TCF7L2: variants seen among roughly 807,000 people sequenced by gnomAD.
TCF7L2 encodes the protein transcription factor 7-like 2.
In TCF7L2, 23 loss-of-function variants were observed where a neutral mutation model predicts 77.9. The observed-to-expected ratio is 0.30, with a 90% CI of 0.21 to 0.42. The LOEUF is 0.42. Among genes scored for constraint, TCF7L2 ranks in the 10% least tolerant of loss-of-function variants. The probability of loss-of-function intolerance (pLI) is 1.00; values close to 1 mark genes in which losing one functional copy is unlikely to be tolerated. For missense variants in TCF7L2, 654 were observed against 793.1 expected (o/e 0.82, Z 2.11); for synonymous variants, 413 against 340.2 (o/e 1.21, Z -2.36).
At chr10:113,026,855 T>C (rs1344867392) in intron 4 of TCF7L2, among the ~76,000 whole-genome samples, 2 of 152,184 alleles carry the variant, frequency 1.3e-5, no homozygotes, top group Non-Finnish European at 2.9e-5. Context: ...GCGCAGACCT[T>C]TTGGGGAGGG....
At position 113,150,992 on chromosome 10, in the gene TCF7L2, T is replaced by G. The variant is rs1306631237; in HGVS notation, c.876-6T>G. ...CTGACGATTTACACAGCTTTCTGTC[T>G]TCTAGGTTCCCTCCCCATATGGTCC... On this transcript the variant is annotated splice_region_variant and splice_polypyrimidine_tract_variant and intron_variant, in intron 8 of 13. Transcript: ENST00000627217. 6.2e-7 allele frequency: 1 copy of G among 1,614,072 alleles called. No homozygotes were observed. The highest frequency in any genetic ancestry group is 1.1e-5 in the South Asian group (1 of 91,066).
intron 11 of TCF7L2, 116 bp downstream of exon 11, chr10:113,152,556 T>C (rs762732899): frequency 2.5e-6 from 2 of 788,446 alleles, no homozygotes; most frequent in Non-Finnish European, 4.1e-6. Flanking sequence ...CCATCCAATC[T>C]GCCCGCTTTG....
At chr10:113,146,131 C>G (rs2069342563) in intron 8 of TCF7L2, 34 bp downstream of exon 8, 1 of 1,599,396 alleles carries the variant, frequency 6.3e-7, no homozygotes, top group Non-Finnish European at 8.6e-7. Flanking sequence ...TCATCCAAGG[C>G]CATGTGTGAC....
Position 112,966,184 on chromosome 10 carries a change from T to TTATATATATATATATA in TCF7L2, c.450+1572_450+1587dup, listed in dbSNP as rs141060651. Reference sequence around the variant, plus strand: ...GAGTGAGACTCTGTCTAAAATATATTTATATATATATATATATATATATAT... The same window carrying TTATATATATATATATA: ...GAGTGAGACTCTGTCTAAAATATATTTATATATATATATATATATATATATATATATATATATATAT... On this transcript the variant is annotated intron_variant, in intron 4 of 13. Transcript: ENST00000627217. 1.5e-3 allele frequency among the ~76,000 whole-genome samples: 167 copies of TTATATATATATATATA among 114,170 alleles called. 5 individuals are homozygous for TTATATATATATATATA. The highest frequency in any genetic ancestry group is 6.3e-3 in the African/African-American group (131 of 20,960). The allele number at this position is 114,170 out of a possible 152,430, so 74.9% of individuals were successfully genotyped here.
intron 5 of TCF7L2, among the ~76,000 whole-genome samples, chr10:113,124,615 A>G (rs1234079222): frequency 3.3e-5 from 5 of 152,126 alleles, no homozygotes; most frequent in African/African-American, 4.8e-5. Context: ...ACTCTGCAGG[A>G]CATAGATATA....
At chr10:113,137,400 C>A (rs1236592465) in intron 5 of TCF7L2, among the ~76,000 whole-genome samples, 1 of 152,228 alleles carries the variant, frequency 6.6e-6, no homozygotes, top group Non-Finnish European at 1.5e-5. Context: ...CGTGCAAGTT[C>A]TCATTCAGTT....
At chr10:112,963,839 C>G (rs2035887777) in intron 3 of TCF7L2, among the ~76,000 whole-genome samples, 1 of 152,204 alleles carries the variant, frequency 6.6e-6, no homozygotes, top group Non-Finnish European at 1.5e-5. Context: ...CAATCAGTGA[C>G]TTACATTCAC....
At chr10:113,147,432 T>C (rs1034703446) in intron 8 of TCF7L2, among the ~76,000 whole-genome samples, 2 of 152,228 alleles carry the variant, frequency 1.3e-5, no homozygotes, top group Non-Finnish European at 2.9e-5. Flanking sequence ...ATGCCGTGGA[T>C]ATCATAGTTG....
intron 5 of TCF7L2, among the ~76,000 whole-genome samples, chr10:113,128,925 GC>G (rs1318012155): frequency 2.0e-5 from 3 of 152,104 alleles, no homozygotes; most frequent in Admixed American, 1.3e-4. Context: ...GCATCCCTCT[GC>G]CGTTTCCCTT....
At position 112,951,473 on chromosome 10, in the gene TCF7L2, G is replaced by T. The variant is rs2031271282; in HGVS notation, c.257-10G>T. 1 of 1,417,294 alleles carries T rather than the reference G, an allele frequency of 7.1e-7. No homozygotes were observed. The highest frequency in any genetic ancestry group is 1.2e-5 in the South Asian group (1 of 83,434). The allele number at this position is 1,417,294 out of a possible 1,614,324, so 87.8% of individuals were successfully genotyped here. A position where few individuals can be genotyped will look rare whatever the true frequency, so the allele number is the denominator to read the frequency against. ...GCCGCCGCTGTCCCCTCGCCGCCCC[G>T]CCATGTTAGCGGCCAAGAGGCAAGA... On this transcript the variant is annotated splice_polypyrimidine_tract_variant and intron_variant, in intron 2 of 13. Transcript: ENST00000627217.
At chr10:113,160,789 T>G (rs1466305077) in intron 13 of TCF7L2, 3 of 1,157,310 alleles carry the variant, frequency 2.6e-6, no homozygotes, top group Non-Finnish European at 3.7e-6. Flanking sequence ...CCCATCTACT[T>G]CCCCTCTGGC....
rs556491064 is a variant in TCF7L2, at chr10:112,977,986, G to A, written c.450+13362G>A. Among the ~76,000 whole-genome samples the A allele has an allele frequency of 3.9e-5, 6 of 152,262 alleles. No individual in the cohort carries two copies. The East Asian group carries it at 9.7e-4, about 24-fold the overall frequency. The stretch of plus-strand genomic sequence containing the variant: ...GCCCAAAACATAAAGGAAATTTGAG[G>A]TTCCCTTTCTCTATTTCTAAACCCT... On this transcript the variant is annotated intron_variant, in intron 4 of 13. Coordinates refer to ENST00000627217, the MANE Select transcript of TCF7L2 (RefSeq NM_001146274.2).
At chr10:113,086,154 T>G (rs936587620) in intron 5 of TCF7L2, among the ~76,000 whole-genome samples, 1 of 152,208 alleles carries the variant, frequency 6.6e-6, no homozygotes, top group Admixed American at 6.5e-5. Context: ...TCATTTACTT[T>G]TATCCTGTAA....
At chr10:113,150,907 T>G in intron 8 of TCF7L2, 91 bp from the exon 9 acceptor site, 3 of 1,356,026 alleles carry the variant, frequency 2.2e-6, no homozygotes, top group Non-Finnish European at 3.1e-6. Context: ...TGTTACGTGC[T>G]GTTTTTTTTT....
At chr10:113,129,380 G>A in intron 5 of TCF7L2, 1 of 992,078 alleles carries the variant, frequency 1.0e-6, no homozygotes, top group Non-Finnish European at 1.2e-6. Flanking sequence ...AAGGTAACGG[G>A]TGAGGGAGGG....
intron 12 of TCF7L2, among the ~76,000 whole-genome samples, chr10:113,158,308 A>G (rs2072389888): frequency 6.6e-6 from 1 of 152,216 alleles, no homozygotes; most frequent in Admixed American, 6.5e-5. Context: ...AATGTGTTTT[A>G]AAATAACTGC....
intron 5 of TCF7L2, among the ~76,000 whole-genome samples, chr10:113,086,722 AGTTTTTTATTTGTTT>A (rs1264834837): frequency 6.6e-6 from 1 of 151,414 alleles, no homozygotes; most frequent in Non-Finnish European, 1.5e-5. Context: ...TTTGTTGAAG[AGTTTTTTATTTGTTT>A]GTTTTTTAAG....
intron 6 of TCF7L2, 125 bp downstream of exon 6, chr10:113,141,441 G>T (rs56295420): frequency 2.9e-6 from 4 of 1,372,116 alleles, no homozygotes; most frequent in South Asian, 1.4e-5. Context: ...GTGGTGGGGG[G>T]GCCCCTGTTG....
intron 5 of TCF7L2, among the ~76,000 whole-genome samples, chr10:113,069,560 G>T (rs995012516): frequency 1.3e-5 from 2 of 152,060 alleles, no homozygotes; most frequent in African/African-American, 2.4e-5. Flanking sequence ...GTTTATTTCT[G>T]CTTGCCTAAC....
Sources: allele counts gnomAD v4.1 joint callset (sites outside exome capture counted in the v4.1 genomes callset), GRCh38; gene constraint gnomAD v4.1.1; transcripts MANE v1.5; gene names NCBI Gene and HGNC (gene_info 2026-07-23, HGNC 2026-07-21).